ABCC1: variants seen among roughly 807,000 people sequenced by gnomAD.
ABCC1 encodes multidrug resistance-associated protein 1.
Under a neutral mutation model 172.9 loss-of-function variants are expected in ABCC1, and 83 were observed. That is an observed-to-expected ratio of 0.48 (90% CI 0.40 to 0.58). The LOEUF is 0.58. Ranked by LOEUF, ABCC1 falls within the 20% of genes least tolerant of loss-of-function variation. The probability of loss-of-function intolerance (pLI) is 0.00; values close to 1 mark genes in which losing one functional copy is unlikely to be tolerated. For missense variants in ABCC1, 1,817 were observed against 2,002.7 expected (o/e 0.91, Z 1.77); for synonymous variants, 937 against 825.2 (o/e 1.14, Z -2.32).
chr16:16,142,390 G>T lies in ABCC1; in HGVS notation c.*1109G>T, dbSNP rs1309271431. On this transcript the variant is annotated 3_prime_UTR_variant, in exon 31 of 31. Transcript: ENST00000399410. ...CATGGTACCTGCTCATGGTTATGAA[G>T]CTTTCAAAGTAAAGAACACGAAATA... is the stretch of plus-strand genomic sequence containing the variant. 6.6e-6 allele frequency: 1 copy of T among 152,166 alleles called. No individual in the cohort carries two copies. Among genetic ancestry groups the T allele is most frequent in the South Asian group, 2.1e-4 (1 of 4,830 alleles). The allele number at this position is 152,166 out of a possible 1,614,324, so 9.4% of individuals were successfully genotyped here. A position where few individuals can be genotyped will look rare whatever the true frequency, so the allele number is the denominator to read the frequency against.
At chr16:16,087,115 A>G in intron 18 of ABCC1, 124 bp downstream of exon 18, 1 of 1,137,120 alleles carries the variant, frequency 8.8e-7, no homozygotes, top group Non-Finnish European at 1.2e-6. Flanking sequence ...GACTTTAAAG[A>G]ACACATTTCT....
intron 24 of ABCC1, among the ~76,000 whole-genome samples, chr16:16,124,222 C>T (rs974852851): frequency 2.0e-5 from 3 of 151,974 alleles, no homozygotes; most frequent in African/African-American, 4.8e-5. Flanking sequence ...GGCCGAGAAA[C>T]GATGGTTATT....
chr16:15,968,871 C>T (rs2046304877), intron 1 of ABCC1, among the ~76,000 whole-genome samples: 1 of 151,204 alleles, frequency 6.6e-6, no homozygotes, highest in Admixed American at 6.6e-5. Context: ...CACAGGTGCC[C>T]ACCACCATGC....
intron 21 of ABCC1, among the ~76,000 whole-genome samples, chr16:16,109,194 A>G (rs1026950072): frequency 2.6e-5 from 4 of 151,320 alleles, no homozygotes; most frequent in Non-Finnish European, 5.9e-5. Flanking sequence ...TTTTCTGGTG[A>G]GGGGCAGAGC....
chr16:15,998,613 C>T (rs7193261), intron 1 of ABCC1, among the ~76,000 whole-genome samples: 1,753 of 152,264 alleles, frequency 0.012, 31 homozygotes, highest in African/African-American at 0.038. Flanking sequence ...CTCCCACAGC[C>T]GCCCTTTGGG....
intron 21 of ABCC1, 124 bp downstream of exon 21, chr16:16,106,997 G>A: frequency 7.4e-7 from 1 of 1,356,644 alleles, no homozygotes; most frequent in Admixed American, 2.2e-5. Flanking sequence ...CACCTGTGAA[G>A]ATACTATTTG....
intron 20 of ABCC1, among the ~76,000 whole-genome samples, chr16:16,105,662 T>G (rs1358837926): frequency 1.3e-5 from 2 of 151,894 alleles, no homozygotes; most frequent in African/African-American, 2.4e-5. Flanking sequence ...TCCACGGCAG[T>G]GAGCCGCAGC....
At chr16:16,012,372 G>C (rs547348354) in intron 3 of ABCC1, among the ~76,000 whole-genome samples, 1 of 152,274 alleles carries the variant, frequency 6.6e-6, no homozygotes, top group African/African-American at 2.4e-5. Flanking sequence ...CCTGTGCCTG[G>C]CATGCAGTAA....
rs111601005 is a variant in ABCC1, at chr16:16,143,032, T to TAA, written c.*1757_*1758dup. On this transcript the variant is annotated 3_prime_UTR_variant, in exon 31 of 31. Coordinates refer to ENST00000399410, the MANE Select transcript of ABCC1 (RefSeq NM_004996.4). ...ACACTGGAAATGCGAACATTTGCAG[T>TAA]AAAAAAATATATATATATCTATATA... 2.0e-5 allele frequency: 3 copies of TAA among 152,030 alleles called. No homozygotes were observed. The highest frequency in any genetic ancestry group is 6.5e-5 in the Admixed American group (1 of 15,282). The allele number at this position is 152,030 out of a possible 1,614,324, so 9.4% of individuals were successfully genotyped here.
In ABCC1 at chr16:16,104,476, C is replaced by T. The variant is rs192497565; in HGVS notation, c.2735+1759C>T. Among the ~76,000 whole-genome samples the T allele has an allele frequency of 2.0e-5, 3 of 152,306 alleles. No homozygotes were observed. In the East Asian group the frequency reaches 5.8e-4, roughly 29 times the overall value. On this transcript the variant is annotated intron_variant, in intron 20 of 30. Coordinates refer to ENST00000399410, the MANE Select transcript of ABCC1 (RefSeq NM_004996.4). ...GCATTCACAAACCCTGAGCTAGACA[C>T]AGGGTGCTGATTGGTGTGTTTACAA...
At chr16:16,083,644 A>G (rs1596474641) in intron 17 of ABCC1, 102 bp downstream of exon 17, 2 of 1,470,754 alleles carry the variant, frequency 1.4e-6, no homozygotes, top group South Asian at 2.5e-5. Context: ...CTATCAGCTG[A>G]CCCGGCAGGG....
rs1420154520 is a variant in ABCC1, at chr16:16,045,949, T to A, written c.1154T>A (p.Phe385Tyr). 1.9e-6 allele frequency: 3 copies of A among 1,614,068 alleles called. No homozygotes were observed. The Admixed American group carries it at 5.0e-5, about 27-fold the overall frequency. The change falls in exon 9 of 31, where the codon TTC becomes TAC. Residue 385 changes from phenylalanine to tyrosine, a missense_variant. Around this residue, in one of 3 missense-constraint regions of ABCC1, gnomAD observed 1,412 missense variants for 1,600.3 expected, o/e 0.88. Coordinates refer to ENST00000399410, the MANE Select transcript of ABCC1 (RefSeq NM_004996.4). The part of the protein sequence containing the change: ...CLQTLVLHQY[F>Y]HICFVSGMRI... Reference sequence around the variant, plus strand: ...CAGACCCTCGTGCTGCACCAGTACTTCCACATCTGCTTCGTCAGTGGCATG... The same window carrying A: ...CAGACCCTCGTGCTGCACCAGTACTACCACATCTGCTTCGTCAGTGGCATG...
At chr16:16,124,351 T>TGTGTGTG (rs1567432185) in intron 24 of ABCC1, among the ~76,000 whole-genome samples, 1 of 32,906 alleles carries the variant, frequency 3.0e-5, no homozygotes, top group Non-Finnish European at 6.4e-5. Flanking sequence ...GTGTGTGTGA[T>TGTGTGTG]TATAGGAGTG....
intron 14 of ABCC1, among the ~76,000 whole-genome samples, chr16:16,075,379 C>T (rs903126528): frequency 1.3e-5 from 2 of 151,742 alleles, no homozygotes; most frequent in African/African-American, 4.8e-5. Flanking sequence ...AATCCCGGCA[C>T]TTTGGAAGGC....
chr16:16,124,017 C>CA (rs917244259), intron 24 of ABCC1, among the ~76,000 whole-genome samples: 2 of 151,738 alleles, frequency 1.3e-5, no homozygotes, highest in Non-Finnish European at 2.9e-5. Context: ...GACCCCATCT[C>CA]AAAAAAACAA....
At chr16:16,132,081 C>T (rs2045699752) in intron 27 of ABCC1, 146 bp downstream of exon 27, 4 of 1,038,868 alleles carry the variant, frequency 3.9e-6, no homozygotes, top group Non-Finnish European at 5.6e-6. Context: ...TGGGAGTGGA[C>T]TGTGGCAGTA....
chr16:16,068,760 G>T (rs1206972324), intron 13 of ABCC1, among the ~76,000 whole-genome samples: 1 of 152,052 alleles, frequency 6.6e-6, no homozygotes, highest in South Asian at 2.1e-4. Flanking sequence ...GCTGAGGCGG[G>T]TAGATCACCT....
At chr16:16,122,261 G>GCT in intron 24 of ABCC1, 87 bp downstream of exon 24, 1 of 1,475,572 alleles carries the variant, frequency 6.8e-7, no homozygotes, top group Non-Finnish European at 9.3e-7. Context: ...CGCACCTTGA[G>GCT]CTGGGTATAA....
intron 7 of ABCC1, among the ~76,000 whole-genome samples, chr16:16,038,581 A>T (rs2048845757): frequency 6.6e-6 from 1 of 152,114 alleles, no homozygotes; most frequent in Admixed American, 6.6e-5. Context: ...GATCTTCCTT[A>T]GTCAGTCCAC....
Sources: gnomAD v4.1 joint callset for allele counts (sites outside exome capture counted in the v4.1 genomes callset) on GRCh38, gnomAD v4.1.1 for gene constraint, gnomAD v4.1.1 regional missense constraint, MANE v1.5 for transcripts, NCBI Gene and HGNC (gene_info 2026-07-23, HGNC 2026-07-21) for gene names.